The following SLC38A9 variants were observed in gnomAD, a reference collection of about 807,000 sequenced individuals.
The protein encoded by SLC38A9 is neutral amino acid transporter 9.
Under a neutral mutation model 62.3 loss-of-function variants are expected in SLC38A9, and 48 were observed. The observed-to-expected ratio is 0.77, with a 90% CI of 0.61 to 0.98. The LOEUF is 0.98. SLC38A9 is among the 50% of genes least tolerant of loss of function. The pLI is 0.00. For missense variants in SLC38A9, 541 were observed against 679.8 expected, an observed-to-expected ratio of 0.80 and a Z score of 2.27; for synonymous variants, 204 against 227.7, an observed-to-expected ratio of 0.90 and a Z score of 0.94.
chr5:55,675,468 A>C (rs1751968465), intron 3 of SLC38A9: 1 of 152,144 alleles, frequency 6.6e-6, no homozygotes, highest in South Asian at 2.1e-4. Context: ...CTATATTTTT[A>C]AATTGAACTT....
intron 3 of SLC38A9, chr5:55,692,702 C>G: frequency 1.0e-6 from 1 of 984,932 alleles, no homozygotes; most frequent in Middle Eastern, 5.2e-4. Flanking sequence ...TTACAGAGAA[C>G]TGTTTGAACT....
intron 12 of SLC38A9, among the ~76,000 whole-genome samples, chr5:55,642,138 C>T (rs1745534674): frequency 6.6e-6 from 1 of 152,168 alleles, no homozygotes; most frequent in African/African-American, 2.4e-5. Context: ...ATCCACCTCC[C>T]AGGTTCAAGT....
At chr5:55,628,845 G>A (rs1016788592) in intron 14 of SLC38A9, among the ~76,000 whole-genome samples, 1 of 152,120 alleles carries the variant, frequency 6.6e-6, no homozygotes, top group African/African-American at 2.4e-5. Flanking sequence ...ATGAAAATTT[G>A]ATGCTGAAGA....
intron 2 of SLC38A9, chr5:55,704,249 A>G (rs1329417804): frequency 7.2e-5 from 11 of 152,212 alleles, no homozygotes; most frequent in Non-Finnish European, 1.6e-4. Flanking sequence ...AAAGCTTAGG[A>G]AAGAAATAAA....
intron 3 of SLC38A9, chr5:55,692,999 G>T: frequency 2.0e-6 from 2 of 984,168 alleles, no homozygotes; most frequent in Non-Finnish European, 2.4e-6. Context: ...TTAAGTATGT[G>T]CGAATGAAAA....
In SLC38A9 at chr5:55,635,060, T is replaced by G. The variant is rs530563349; in HGVS notation, c.1281+484A>C. On this transcript the variant is annotated intron_variant, in intron 13 of 15. Transcript: ENST00000396865. ...GCCAAATACTCTTTTTTTGTTTTGC[T>G]GCCTGTCACTCAATATAAGAATGAG... The G allele has an allele frequency of 1.1e-3, 161 of 152,954 alleles. 5 individuals carry two copies. The South Asian group carries it at 0.032, about 31-fold the overall frequency. 9.5% of individuals were successfully genotyped at this position (152,954 alleles called of 1,614,324 possible).
chr5:55,702,233 G>A (rs542161807), intron 2 of SLC38A9, among the ~76,000 whole-genome samples: 8 of 151,346 alleles, frequency 5.3e-5, no homozygotes, highest in Non-Finnish European at 1.2e-4. Context: ...AGGATTAAAT[G>A]AGATTATACA....
At chr5:55,675,551 A>G (rs973321936) in intron 3 of SLC38A9, among the ~76,000 whole-genome samples, 1 of 152,192 alleles carries the variant, frequency 6.6e-6, no homozygotes. Flanking sequence ...AAGACTTTTG[A>G]AACTTGGGCT....
intron 10 of SLC38A9, 99 bp from the exon 11 acceptor site, chr5:55,649,413 A>G: frequency 1.5e-6 from 1 of 678,810 alleles, no homozygotes; most frequent in Non-Finnish European, 2.4e-6. Flanking sequence ...AAAGTGTGGG[A>G]AACTGTTAAC....
At chr5:55,684,565 T>A (rs1441240842) in intron 3 of SLC38A9, among the ~76,000 whole-genome samples, 1 of 152,170 alleles carries the variant, frequency 6.6e-6, no homozygotes, top group African/African-American at 2.4e-5. Context: ...TTACGTGAAG[T>A]CTCTCTTAGT....
intron 13 of SLC38A9, 43 bp downstream of exon 13, chr5:55,635,500 TG>T (rs1561305606): frequency 7.3e-7 from 1 of 1,375,554 alleles, no homozygotes; most frequent in African/African-American, 1.4e-5. Flanking sequence ...TATAAATACA[TG>T]AAAGTGTACA....
At chr5:55,690,814 G>A (rs553706101) in intron 3 of SLC38A9, among the ~76,000 whole-genome samples, 1 of 152,128 alleles carries the variant, frequency 6.6e-6, no homozygotes, top group Non-Finnish European at 1.5e-5. Flanking sequence ...CTGAGATGTG[G>A]AGTTAGAGAT....
intron 12 of SLC38A9, among the ~76,000 whole-genome samples, chr5:55,637,110 G>C (rs1181780054): frequency 6.6e-6 from 1 of 152,170 alleles, no homozygotes; most frequent in African/African-American, 2.4e-5. Context: ...TGCCACTCAA[G>C]AACAGAGGTA....
intron 9 of SLC38A9, among the ~76,000 whole-genome samples, chr5:55,654,868 A>T (rs1238720562): frequency 6.6e-6 from 1 of 151,896 alleles, no homozygotes; most frequent in Non-Finnish European, 1.5e-5. Context: ...TTGAGACAGG[A>T]TCTCACTCAC....
intron 11 of SLC38A9, among the ~76,000 whole-genome samples, chr5:55,647,485 C>CAATT (rs35190883): frequency 0.59 from 90,239 of 151,772 alleles, 27,486 homozygotes; most frequent in South Asian, 0.7. Context: ...GAAGAGAAAA[C>CAATT]AAGAATCAAG....
At chr5:55,629,646 TCAAA>T (rs1270200368) in intron 14 of SLC38A9, among the ~76,000 whole-genome samples, 1 of 152,176 alleles carries the variant, frequency 6.6e-6, no homozygotes. Flanking sequence ...TGAATTGCAG[TCAAA>T]CTATGGTCAT....
chr5:55,640,795 C>G (rs779265294), intron 12 of SLC38A9, among the ~76,000 whole-genome samples: 1 of 139,610 alleles, frequency 7.2e-6, no homozygotes, highest in Non-Finnish European at 1.5e-5. Context: ...AATACTCTTA[C>G]TGTCAGTTAT....
rs141469922 is a variant in SLC38A9 at position 55,705,327 on chromosome 5, T to C, written c.-35+6125A>G. Reference sequence around the variant, plus strand: ...CAAGTTAATAGAAGATAGTGGGAGATGGAACTAACATTTATTTATTGAATG... The same window carrying C: ...CAAGTTAATAGAAGATAGTGGGAGACGGAACTAACATTTATTTATTGAATG... On this transcript the variant is annotated intron_variant, in intron 2 of 15. Coordinates refer to ENST00000396865, the MANE Select transcript of SLC38A9 (RefSeq NM_173514.4). Among the ~76,000 whole-genome samples the C allele has an allele frequency of 2.9e-3, 434 of 151,790 alleles. 2 individuals carry two copies. Among genetic ancestry groups the C allele is most frequent in the African/African-American group, 9.8e-3 (407 of 41,428 alleles).
At chr5:55,702,404 A>G (rs1230973037) in intron 2 of SLC38A9, among the ~76,000 whole-genome samples, 2 of 151,718 alleles carry the variant, frequency 1.3e-5, no homozygotes, top group Non-Finnish European at 2.9e-5. Context: ...TAGGACTACA[A>G]GTGTGCACCA....
Sources: allele counts gnomAD v4.1 joint callset (sites outside exome capture counted in the v4.1 genomes callset), GRCh38; gene constraint gnomAD v4.1.1; transcripts MANE v1.5; gene names NCBI Gene and HGNC (gene_info 2026-07-23, HGNC 2026-07-21).